TIAM2: variants seen among roughly 807,000 people sequenced by gnomAD.
TIAM2 encodes rho guanine nucleotide exchange factor TIAM2.
A neutral mutation model predicts 152.9 loss-of-function variants in TIAM2; 80 were observed. The ratio of observed to expected loss-of-function variants is 0.52; its 90% CI spans 0.44 to 0.63. The LOEUF (loss-of-function observed/expected upper bound fraction) is 0.63. Among genes scored for constraint, TIAM2 ranks in the 30% least tolerant of loss-of-function variants. The pLI is 0.00. For missense variants in TIAM2, 1,965 were observed against 2,120.1 expected, an observed-to-expected ratio of 0.93 and a Z score of 1.44; for synonymous variants, 804 against 838.0, an observed-to-expected ratio of 0.96 and a Z score of 0.70.
chr6:155,126,970 AG>A (rs1234209592), intron 2 of TIAM2, among the ~76,000 whole-genome samples: 3 of 152,106 alleles, frequency 2.0e-5, no homozygotes, highest in African/African-American at 7.2e-5. Flanking sequence ...TATCCCTCAG[AG>A]GGGGACCTCT....
intron 15 of TIAM2, chr6:155,216,983 G>A: frequency 8.0e-7 from 1 of 1,253,100 alleles, no homozygotes; most frequent in South Asian, 1.3e-5. Flanking sequence ...GGGGATGAGA[G>A]GGAGAGACAA....
intron 2 of TIAM2, among the ~76,000 whole-genome samples, chr6:155,093,157 T>C (rs932499370): frequency 6.6e-6 from 1 of 152,214 alleles, no homozygotes; most frequent in Non-Finnish European, 1.5e-5. Context: ...CTTCAGTAAA[T>C]TGCTAAACTT....
At chr6:155,053,170 A>G (rs1427460736) in intron 1 of TIAM2, among the ~76,000 whole-genome samples, 1 of 152,254 alleles carries the variant, frequency 6.6e-6, no homozygotes, top group East Asian at 1.9e-4. Context: ...TAGAAAGTTT[A>G]GATAGTAAGA....
At chr6:155,084,270 C>T (rs12661761) in intron 1 of TIAM2, among the ~76,000 whole-genome samples, 2,991 of 152,264 alleles carry the variant, frequency 0.02, 158 homozygotes, top group Admixed American at 0.13. Flanking sequence ...CCCCACCACA[C>T]GTGTTGGGAC....
At chr6:155,149,689 G>A (rs942912646) in intron 7 of TIAM2, among the ~76,000 whole-genome samples, 3 of 152,092 alleles carry the variant, frequency 2.0e-5, no homozygotes, top group Admixed American at 6.5e-5. Flanking sequence ...TTGGGAGGCC[G>A]AGGTGGGCAG....
At chr6:155,166,116 G>A (rs73795332) in intron 9 of TIAM2, among the ~76,000 whole-genome samples, 15,835 of 151,852 alleles carry the variant, frequency 0.1, 900 homozygotes, top group Middle Eastern at 0.16. Flanking sequence ...ATGGCCTTGG[G>A]GTTTTGTCAT....
At chr6:155,000,839 C>T (rs1165230375) in intron 1 of TIAM2, among the ~76,000 whole-genome samples, 2 of 152,110 alleles carry the variant, frequency 1.3e-5, no homozygotes, top group Admixed American at 1.3e-4. Flanking sequence ...CAAAAATTAG[C>T]TGGGTGTGGT....
At chr6:155,138,849 G>A (rs748893658) in intron 5 of TIAM2, among the ~76,000 whole-genome samples, 8 of 151,834 alleles carry the variant, frequency 5.3e-5, no homozygotes, top group Non-Finnish European at 1.0e-4. Flanking sequence ...TGGACCAGCT[G>A]TCTTTTTTTT....
At chr6:155,248,239 C>A (rs749393884) in intron 20 of TIAM2, 60 bp downstream of exon 20, 1 of 1,549,588 alleles carries the variant, frequency 6.5e-7, no homozygotes, top group Non-Finnish European at 8.7e-7. Flanking sequence ...GGGCTGCCAG[C>A]CGTGCCCTGG....
At chr6:155,222,881 A>G (rs997031906) in intron 15 of TIAM2, among the ~76,000 whole-genome samples, 6 of 152,156 alleles carry the variant, frequency 3.9e-5, no homozygotes, top group Non-Finnish European at 8.8e-5. Flanking sequence ...GCAGAACCCT[A>G]TTAGAATTTG....
chr6:155,177,881 A>T (rs1436793011), intron 10 of TIAM2, among the ~76,000 whole-genome samples: 1 of 152,224 alleles, frequency 6.6e-6, no homozygotes, highest in Non-Finnish European at 1.5e-5. Flanking sequence ...AGGGTATCAG[A>T]AGTAGTGGGT....
intron 15 of TIAM2, among the ~76,000 whole-genome samples, chr6:155,215,255 A>C (rs1781825470): frequency 6.6e-6 from 1 of 152,362 alleles, no homozygotes; most frequent in African/African-American, 2.4e-5. Flanking sequence ...TAACTAAGCA[A>C]AACATTTACA....
intron 1 of TIAM2, among the ~76,000 whole-genome samples, chr6:155,005,879 A>C (rs1271898086): frequency 3.3e-5 from 5 of 152,022 alleles, no homozygotes; most frequent in African/African-American, 1.2e-4. Flanking sequence ...TGAACTCCCG[A>C]CCTCAGGTGA....
At chr6:155,059,699 C>T (rs1328645865) in intron 1 of TIAM2, among the ~76,000 whole-genome samples, 2 of 152,150 alleles carry the variant, frequency 1.3e-5, no homozygotes, top group Non-Finnish European at 2.9e-5. Context: ...AGCCCCTCTC[C>T]TTGCACATGG....
chr6:155,250,880 G>A (rs371193626), intron 21 of TIAM2, 33 bp from the exon 22 acceptor site: 84 of 1,598,388 alleles, frequency 5.3e-5, no homozygotes, highest in Middle Eastern at 5.0e-4. Context: ...TGGGATTTCC[G>A]TATCTTCCTT....
chr6:155,238,951 C>G (rs1242231816), intron 15 of TIAM2, among the ~76,000 whole-genome samples: 7 of 152,134 alleles, frequency 4.6e-5, no homozygotes, highest in African/African-American at 1.7e-4. Context: ...TATGACAACA[C>G]TGTGTTGGTG....
chr6:155,213,705 T>C lies in TIAM2; in HGVS notation c.3168+2398T>C, dbSNP rs938578252. 2.6e-5 allele frequency among the ~76,000 whole-genome samples: 4 copies of C among 152,222 alleles called. No individual in the cohort carries two copies. Among genetic ancestry groups the C allele is most frequent in the Non-Finnish European group, 4.4e-5 (3 of 68,036 alleles). On this transcript the variant is annotated intron_variant, in intron 15 of 26. Transcript: ENST00000682666. The surrounding 1 kb of genome is among the most constrained non-coding windows in gnomAD (Gnocchi z 4.2). ...CTGCCACTCTTCCTGGTGCCCAGGC[T>C]GTTTGTGCCAAAGGGTGCCTGCAGG...
At chr6:155,100,413 G>A (rs571552083) in intron 2 of TIAM2, among the ~76,000 whole-genome samples, 1 of 152,344 alleles carries the variant, frequency 6.6e-6, no homozygotes, top group East Asian at 1.9e-4. Flanking sequence ...AATTTTGCTT[G>A]ATGGGCAGTG....
intron 2 of TIAM2, chr6:155,122,224 C>T (rs1779169560): frequency 6.6e-6 from 1 of 152,176 alleles, no homozygotes; most frequent in South Asian, 2.1e-4. Context: ...ACTGATCACA[C>T]TTTTAAGAAA....
Sources: gnomAD v4.1 joint callset for allele counts (sites outside exome capture counted in the v4.1 genomes callset) on GRCh38, gnomAD v4.1.1 for gene constraint, Gnocchi (gnomAD v3.1) non-coding constraint, MANE v1.5 for transcripts, NCBI Gene and HGNC (gene_info 2026-07-23, HGNC 2026-07-21) for gene names.